The following EHHADH variants were observed in gnomAD, a reference collection of about 807,000 sequenced individuals.
The protein encoded by EHHADH is peroxisomal bifunctional enzyme.
EHHADH carries 48 observed loss-of-function variants against 64.4 expected under a neutral mutation model. The observed-to-expected ratio is 0.75, with a 90% CI of 0.59 to 0.95. EHHADH has a LOEUF of 0.95. EHHADH is among the 40% of genes least tolerant of loss of function. EHHADH has a pLI of 0.00. For synonymous variants in EHHADH, 308 were observed against 326.7 expected, an observed-to-expected ratio of 0.94 and a Z score of 0.62; for missense variants, 854 against 876.6, an observed-to-expected ratio of 0.97 and a Z score of 0.33.
intron 2 of EHHADH, among the ~76,000 whole-genome samples, chr3:185,242,336 C>CA (rs1054128188): frequency 8.2e-4 from 124 of 151,888 alleles, no homozygotes; most frequent in Middle Eastern, 3.4e-3. Flanking sequence ...CATATGGAAC[C>CA]AAAAAAAGAG....
At chr3:185,200,238 T>C (rs1376667926) in intron 6 of EHHADH, among the ~76,000 whole-genome samples, 1 of 152,198 alleles carries the variant, frequency 6.6e-6, no homozygotes, top group Non-Finnish European at 1.5e-5. Flanking sequence ...ATACTTTGTA[T>C]TTACTAGCAT....
chr3:185,249,355 C>G (rs562554583), intron 1 of EHHADH, among the ~76,000 whole-genome samples: 4 of 152,302 alleles, frequency 2.6e-5, no homozygotes, highest in African/African-American at 9.6e-5. Context: ...TTCTCGATCT[C>G]TTGAGCTCGT....
chr3:185,243,254 G>C (rs958278651), intron 2 of EHHADH, among the ~76,000 whole-genome samples: 2 of 152,216 alleles, frequency 1.3e-5, no homozygotes, highest in African/African-American at 2.4e-5. Flanking sequence ...TTCCTTCAGA[G>C]GGTCTGTGGG....
chr3:185,244,150 T>C (rs1719529349), intron 2 of EHHADH, among the ~76,000 whole-genome samples: 1 of 152,232 alleles, frequency 6.6e-6, no homozygotes, highest in African/African-American at 2.4e-5. Context: ...CTGCTTTATC[T>C]GATGTAAATA....
chr3:185,247,426 G>C (rs1560022986), intron 2 of EHHADH, among the ~76,000 whole-genome samples: 1 of 152,042 alleles, frequency 6.6e-6, no homozygotes, highest in Non-Finnish European at 1.5e-5. Context: ...TTTAATAACT[G>C]GTTAAGGTTT....
At chr3:185,206,151 T>C (rs1380204841) in intron 5 of EHHADH, among the ~76,000 whole-genome samples, 2 of 152,052 alleles carry the variant, frequency 1.3e-5, no homozygotes, top group Non-Finnish European at 2.9e-5. Flanking sequence ...TGGTAACAGA[T>C]GCACACAAGC....
rs558054321 is a variant in EHHADH, at chr3:185,209,625, C to T, written c.569-4868G>A. On this transcript the variant is annotated intron_variant, in intron 5 of 6. Coordinates refer to ENST00000231887, the MANE Select transcript of EHHADH (RefSeq NM_001966.4). ...GCCCCTCTGGCATTGGTGTGTTAGG[C>T]GTGTCCAAGGGAACGTGAGTAAGGT... 4.6e-5 allele frequency among the ~76,000 whole-genome samples: 7 copies of T among 152,270 alleles called. No homozygotes were observed. In the South Asian group the frequency reaches 1.0e-3, roughly 23 times the overall value.
intron 2 of EHHADH, chr3:185,245,572 G>A: frequency 2.5e-6 from 2 of 806,266 alleles, no homozygotes; most frequent in Non-Finnish European, 4.3e-6. Flanking sequence ...TAGGAAATAA[G>A]AGTTGCATGT....
chr3:185,194,190 G>A (rs1717993482), intron 6 of EHHADH, among the ~76,000 whole-genome samples: 1 of 152,214 alleles, frequency 6.6e-6, no homozygotes, highest in African/African-American at 2.4e-5. Flanking sequence ...ACTATTCAAG[G>A]TTGGGTGAGG....
At chr3:185,228,124 T>A (rs993654115) in intron 4 of EHHADH, among the ~76,000 whole-genome samples, 1 of 143,090 alleles carries the variant, frequency 7.0e-6, no homozygotes. Context: ...CAAACAAATA[T>A]ATGGTAAACC....
chr3:185,218,263 T>TAAC, intron 4 of EHHADH, 23 bp from the exon 5 acceptor site: 1 of 1,523,872 alleles, frequency 6.6e-7, no homozygotes, highest in East Asian at 2.3e-5. Context: ...ACAACAACAA[T>TAAC]AACAACAAAT....
intron 3 of EHHADH, among the ~76,000 whole-genome samples, chr3:185,229,833 C>T (rs1719105625): frequency 2.0e-5 from 3 of 152,164 alleles, no homozygotes; most frequent in African/African-American, 7.2e-5. Flanking sequence ...CTGGAAACAA[C>T]TTTCTGGAGT....
chr3:185,195,289 C>T (rs1718029149), intron 6 of EHHADH, among the ~76,000 whole-genome samples: 1 of 152,062 alleles, frequency 6.6e-6, no homozygotes, highest in Admixed American at 6.5e-5. Context: ...GAATGCAAAT[C>T]AAAACCACAG....
intron 4 of EHHADH, among the ~76,000 whole-genome samples, chr3:185,226,650 C>CAA (rs59522852): frequency 7.7e-4 from 102 of 133,244 alleles, no homozygotes; most frequent in African/African-American, 1.4e-3. Context: ...ACTCCATCTC[C>CAA]AAAAAAAAAA....
chr3:185,219,872 A>T (rs901273214), intron 4 of EHHADH, among the ~76,000 whole-genome samples: 1 of 151,602 alleles, frequency 6.6e-6, no homozygotes, highest in African/African-American at 2.4e-5. Context: ...AAGTTCAGTG[A>T]TTTTTTTTTG....
intron 1 of EHHADH, 172 bp downstream of exon 1, chr3:185,253,770 AAAAAAAG>A: frequency 7.4e-7 from 1 of 1,346,966 alleles, no homozygotes; most frequent in East Asian, 2.7e-5. Flanking sequence ...TTAAAAAAAA[AAAAAAAG>A]AAAAGAAAAA....
chr3:185,204,740 G>A lies in EHHADH; in HGVS notation c.586C>T (p.Arg196Cys), dbSNP rs202051821. ...TGAATTGGCTTGTTGCAGAGTCTAC[G>A]GGATTCTAGAGGTTGATCTGAAAGG... ...QRVSDQPLES[R>C]RLCNKPIQSL... The change falls in exon 6 of 7, where the codon CGT (arginine) becomes TGT (cysteine). Residue 196 changes from arginine to cysteine, a missense_variant. Transcript: ENST00000231887. The A allele has an allele frequency of 4.2e-5, 68 of 1,607,608 alleles. No individual in the cohort carries two copies. The highest frequency in any genetic ancestry group is 1.7e-4 in the Middle Eastern group (1 of 6,036).
Position 185,248,430 on chromosome 3 carries a change from C to T in EHHADH, c.162G>A (p.Glu54=). Residue 54 remains glutamate, a synonymous_variant, in exon 2 of 7, where the codon GAG becomes GAA. Transcript: ENST00000231887. ...TTGAGTTACCTGCAGAAAATTTGCCCTCTGCTCCACAAATCACAATGGCTT... is the reference window on the plus strand; with the variant it reads ...TTGAGTTACCTGCAGAAAATTTGCCTTCTGCTCCACAAATCACAATGGCTT... The part of the protein sequence containing the change: ...TIKAIVICGA[E]GKFSAGADIR... 6.2e-7 allele frequency: 1 copy of T among 1,613,928 alleles called. No individual in the cohort carries two copies. The highest frequency in any genetic ancestry group is 8.5e-7 in the Non-Finnish European group (1 of 1,179,822).
At chr3:185,215,502 G>C (rs140978366) in intron 5 of EHHADH, among the ~76,000 whole-genome samples, 1 of 152,068 alleles carries the variant, frequency 6.6e-6, no homozygotes, top group Non-Finnish European at 1.5e-5. Flanking sequence ...CGGCCAAGGG[G>C]AAGAAAAAAG....
Sources: allele counts gnomAD v4.1 joint callset (sites outside exome capture counted in the v4.1 genomes callset), GRCh38; gene constraint gnomAD v4.1.1; transcripts MANE v1.5; gene names NCBI Gene and HGNC (gene_info 2026-07-23, HGNC 2026-07-21).